CDC14B: variants seen among roughly 807,000 people sequenced by gnomAD.
CDC14B encodes the protein dual specificity protein phosphatase CDC14B.
In CDC14B, 22 loss-of-function variants were observed where a neutral mutation model predicts 64.2. The ratio of observed to expected loss-of-function variants is 0.34; its 90% CI spans 0.24 to 0.49. The LOEUF is 0.49. Ranked by LOEUF, CDC14B falls within the 20% of genes least tolerant of loss-of-function variation. The pLI is 0.99. For missense variants in CDC14B, 498 were observed against 629.9 expected, an observed-to-expected ratio of 0.79 and a Z score of 2.24; for synonymous variants, 191 against 215.8, an observed-to-expected ratio of 0.89 and a Z score of 1.01.
chr9:96,566,315 T>C (rs887638170), intron 1 of CDC14B, among the ~76,000 whole-genome samples: 3 of 151,634 alleles, frequency 2.0e-5, no homozygotes, highest in Non-Finnish European at 4.4e-5. Flanking sequence ...ATATATATAC[T>C]TTCAGCAGAG....
At chr9:96,496,138 C>CGAGGCCCACCTAAAGG (rs1833228057), downstream of CDC14B, 5 of 371,618 alleles carry the variant, frequency 1.3e-5, no homozygotes, top group Non-Finnish European at 2.7e-5. Flanking sequence ...CCAGTCAGGC[C>CGAGGCCCACCTAAAGG]GAGGCCCACC....
At chr9:96,545,450 T>A (rs1044136760) in intron 5 of CDC14B, among the ~76,000 whole-genome samples, 1 of 151,630 alleles carries the variant, frequency 6.6e-6, no homozygotes, top group African/African-American at 2.4e-5. Context: ...CCCAAATAAC[T>A]GGGACTACAG....
At chr9:96,551,110 G>GTTTTTT (rs1841741325) in intron 5 of CDC14B, among the ~76,000 whole-genome samples, 2 of 65,970 alleles carry the variant, frequency 3.0e-5, no homozygotes, top group African/African-American at 2.3e-4. Context: ...TTTGGGGTTT[G>GTTTTTT]CTTTTTTTTT....
intron 1 of CDC14B, among the ~76,000 whole-genome samples, chr9:96,617,112 T>C (rs1847680126): frequency 6.6e-6 from 1 of 151,850 alleles, no homozygotes; most frequent in Admixed American, 6.6e-5. Context: ...GATAGGATTT[T>C]TTTTTTTTTT....
intron 1 of CDC14B, among the ~76,000 whole-genome samples, chr9:96,606,935 C>T (rs890472000): frequency 2.0e-5 from 3 of 151,700 alleles, no homozygotes; most frequent in Non-Finnish European, 2.9e-5. Context: ...ACTCAGGAAG[C>T]TGAGGTGGGA....
chr9:96,618,909 G>A (rs577505992), intron 1 of CDC14B, among the ~76,000 whole-genome samples: 51 of 152,352 alleles, frequency 3.3e-4, no homozygotes, highest in South Asian at 2.1e-3. Context: ...GGGAGGAGCT[G>A]CAGGTTCGAG....
chr9:96,564,781 A>G lies in CDC14B; in HGVS notation c.323T>C (p.Leu108Ser). Residue 108 changes from leucine to serine, a missense_variant, in exon 3 of 14, where the codon TTA (leucine) becomes TCA (serine). By Grantham distance (145) the Leu-to-Ser change is moderately radical. Transcript: ENST00000375241. The stretch of plus-strand genomic sequence containing the variant: ...GTCAAATCTTAAAGACTTTACCTTT[A>G]ATTTCTTATTGATCTTGCAACAATA... ...YRYCCKINKK[L>S]KSITMLRKKI... is the part of the protein sequence containing the mutation. 7 of 1,585,890 alleles carry G rather than the reference A, an allele frequency of 4.4e-6. No homozygotes were observed. Among genetic ancestry groups the G allele is most frequent in the Middle Eastern group, 1.7e-4 (1 of 6,016 alleles).
chr9:96,535,179 T>C (rs1484687204), intron 7 of CDC14B, among the ~76,000 whole-genome samples: 1 of 152,160 alleles, frequency 6.6e-6, no homozygotes, highest in Non-Finnish European at 1.5e-5. Context: ...TGGTGGCGCA[T>C]GCCTGTAATC....
chr9:96,598,892 ATTATAAAGTGAAAT>A (rs1458602619), intron 1 of CDC14B, among the ~76,000 whole-genome samples: 8 of 152,198 alleles, frequency 5.3e-5, no homozygotes, highest in Non-Finnish European at 1.0e-4. Flanking sequence ...TCTTTTGTAT[ATTATAAAGTGAAAT>A]TCTATGTAGG....
chr9:96,596,380 A>C (rs1448320778), intron 1 of CDC14B, among the ~76,000 whole-genome samples: 1 of 136,672 alleles, frequency 7.3e-6, no homozygotes, highest in Non-Finnish European at 1.5e-5. Context: ...AAAAAAAAAA[A>C]CACACAAAAA....
intron 11 of CDC14B, 143 bp downstream of exon 11, chr9:96,523,118 C>G: frequency 3.5e-6 from 3 of 854,842 alleles, no homozygotes; most frequent in Non-Finnish European, 5.4e-6. Flanking sequence ...GTAAAAAGTG[C>G]CTAGAGAGGG....
At chr9:96,555,923 CA>C (rs199847086) in intron 4 of CDC14B, among the ~76,000 whole-genome samples, 19,175 of 152,104 alleles carry the variant, frequency 0.13, 1,637 homozygotes, top group East Asian at 0.29. Context: ...ACATACGTTT[CA>C]AAACCTCGGA....
intron 1 of CDC14B, among the ~76,000 whole-genome samples, chr9:96,601,084 G>A (rs1044236976): frequency 6.6e-6 from 1 of 152,014 alleles, no homozygotes; most frequent in African/African-American, 2.4e-5. Flanking sequence ...GATAGTACTT[G>A]GAATATTTAT....
chr9:96,503,608 G>C lies in CDC14B; in HGVS notation c.*145C>G. 1.5e-6 allele frequency: 1 copy of C among 679,802 alleles called. No individual in the cohort carries two copies. The highest frequency in any genetic ancestry group is 2.6e-6 in the Non-Finnish European group (1 of 391,254). The allele number at this position is 679,802 out of a possible 1,614,324, so 42.1% of individuals were successfully genotyped here. ...CTCAAAGTTCATTATTCAAACTCCA[G>C]TGGACATTTTCTCCATTGATCAACT... On this transcript the variant is annotated 3_prime_UTR_variant, in exon 14 of 14. Coordinates refer to ENST00000375241, the MANE Select transcript of CDC14B (RefSeq NM_033331.4).
intron 1 of CDC14B, among the ~76,000 whole-genome samples, chr9:96,617,002 A>C (rs554713901): frequency 6.6e-6 from 1 of 152,104 alleles, no homozygotes; most frequent in African/African-American, 2.4e-5. Context: ...TCACTGAGGG[A>C]CACCTAGAGA....
chr9:96,538,344 A>G (rs2131809557), intron 7 of CDC14B, among the ~76,000 whole-genome samples: 1 of 152,352 alleles, frequency 6.6e-6, no homozygotes, highest in African/African-American at 2.4e-5. Flanking sequence ...TAAGAAGATG[A>G]AGACTTGACT....
rs1465647602 is a variant in CDC14B at position 96,552,535 on chromosome 9, G to A, written c.421-663C>T. ...GACATTTTTTATTTGACTACTATGC[G>A]TAGGATTTTTGGTCTGCAGTCATTT... On this transcript the variant is annotated intron_variant, in intron 4 of 13. Transcript: ENST00000375241. Among the ~76,000 whole-genome samples, 11 of 151,786 alleles carry A rather than the reference G, an allele frequency of 7.2e-5. No homozygotes were observed. In the East Asian group the frequency reaches 1.4e-3, roughly 19 times the overall value.
intron 1 of CDC14B, among the ~76,000 whole-genome samples, chr9:96,609,435 G>A (rs1847173455): frequency 6.6e-6 from 1 of 152,120 alleles, no homozygotes; most frequent in South Asian, 2.1e-4. Flanking sequence ...TCAGTCTTCA[G>A]GGAAAAGGGG....
chr9:96,515,788 G>C lies in CDC14B; in HGVS notation c.1344-5999C>G, dbSNP rs746265624. ...AGTGCAGAGGTCAGCACAGCTAGGG[G>C]ACATCTGGAAAGGGGTGAAGGGGAA... On this transcript the variant is annotated intron_variant, in intron 12 of 13. Coordinates refer to ENST00000375241, the MANE Select transcript of CDC14B (RefSeq NM_033331.4). The surrounding 1 kb of genome is among the most constrained non-coding windows in gnomAD (Gnocchi z 4.3). 8 of 1,595,406 alleles carry C rather than the reference G, an allele frequency of 5.0e-6. No individual in the cohort carries two copies. In the East Asian group the frequency reaches 1.4e-4, roughly 27 times the overall value.
Sources: gnomAD v4.1 joint callset for allele counts (sites outside exome capture counted in the v4.1 genomes callset) on GRCh38, gnomAD v4.1.1 for gene constraint, Gnocchi (gnomAD v3.1) non-coding constraint, MANE v1.5 for transcripts, NCBI Gene and HGNC (gene_info 2026-07-23, HGNC 2026-07-21) for gene names.